PPARGC1A: variants seen among roughly 807,000 people sequenced by gnomAD.
PPARGC1A encodes PPARG coactivator 1 alpha, also known as peroxisome proliferator-activated receptor gamma coactivator 1-alpha.
Under a neutral mutation model 88.7 loss-of-function variants are expected in PPARGC1A, and 25 were observed. The observed-to-expected ratio is 0.28, with a 90% CI of 0.21 to 0.39. The LOEUF (loss-of-function observed/expected upper bound fraction) is 0.39. Among genes scored for constraint, PPARGC1A ranks in the 10% least tolerant of loss-of-function variants. The pLI, the probability that PPARGC1A is intolerant of heterozygous loss-of-function variation, is 1.00. For synonymous variants in PPARGC1A, 363 were observed against 355.6 expected (o/e 1.02, Z -0.24); for missense variants, 880 against 968.7 (o/e 0.91, Z 1.22).
At chr4:24,360,456 C>G in the PPARGC1A span, among the ~76,000 whole-genome samples, 1 of 152,090 alleles carries the variant, frequency 6.6e-6, no homozygotes, top group Non-Finnish European at 1.5e-5. Context: ...GTCTTTCATT[C>G]TGCTTATTTA....
intron 1 of PPARGC1A, among the ~76,000 whole-genome samples, chr4:23,888,700 G>A (rs771659728): frequency 6.6e-6 from 1 of 152,128 alleles, no homozygotes; most frequent in South Asian, 2.1e-4. Flanking sequence ...TAAGAATCCC[G>A]GGCATGCCTC....
chr4:24,193,467 G>A, the PPARGC1A span, among the ~76,000 whole-genome samples: 17 of 152,260 alleles, frequency 1.1e-4, no homozygotes, highest in African/African-American at 4.1e-4. Flanking sequence ...GGAGTGTCCC[G>A]CAGTGAGACC....
At chr4:24,269,857 T>C in the PPARGC1A span, among the ~76,000 whole-genome samples, 1 of 152,212 alleles carries the variant, frequency 6.6e-6, no homozygotes. Flanking sequence ...ATAAAGCTCT[T>C]AAACTTCTGG....
At chr4:24,240,593 A>G in the PPARGC1A span, among the ~76,000 whole-genome samples, 2 of 152,224 alleles carry the variant, frequency 1.3e-5, no homozygotes, top group Admixed American at 1.3e-4. Context: ...AAAAATCGCT[A>G]CAAGGCTGAG....
the PPARGC1A span, among the ~76,000 whole-genome samples, chr4:24,090,832 C>T: frequency 1.2e-4 from 18 of 152,288 alleles, no homozygotes; most frequent in East Asian, 1.9e-4. Context: ...TGGCAGCTTA[C>T]GAGACAGGAG....
At chr4:24,304,229 C>G in the PPARGC1A span, among the ~76,000 whole-genome samples, 2 of 152,152 alleles carry the variant, frequency 1.3e-5, no homozygotes, top group Non-Finnish European at 2.9e-5. Context: ...CCAAGGGAAG[C>G]TTTGTGCACT....
chr4:24,431,346 G>A, the PPARGC1A span, among the ~76,000 whole-genome samples: 1 of 152,100 alleles, frequency 6.6e-6, no homozygotes, highest in Non-Finnish European at 1.5e-5. Flanking sequence ...GAGGTTCCCT[G>A]TTTGTACTTG....
the PPARGC1A span, among the ~76,000 whole-genome samples, chr4:24,399,046 G>A: frequency 1.3e-5 from 2 of 152,124 alleles, no homozygotes; most frequent in African/African-American, 4.8e-5. Context: ...TGTATTTTAG[G>A]ATTTCAACTT....
At chr4:24,315,368 A>G in the PPARGC1A span, among the ~76,000 whole-genome samples, 1 of 152,214 alleles carries the variant, frequency 6.6e-6, no homozygotes, top group Non-Finnish European at 1.5e-5. Context: ...GTATAGCCAC[A>G]TGAAGGAAAT....
At chr4:24,003,458 A>G in the PPARGC1A span, among the ~76,000 whole-genome samples, 1 of 152,224 alleles carries the variant, frequency 6.6e-6, no homozygotes, top group African/African-American at 2.4e-5. Flanking sequence ...TGGCTTGAGG[A>G]AGAGGGCTAG....
At chr4:24,334,468 T>A in the PPARGC1A span, among the ~76,000 whole-genome samples, 1 of 152,246 alleles carries the variant, frequency 6.6e-6, no homozygotes, top group Non-Finnish European at 1.5e-5. Context: ...TAAGAAGTGC[T>A]CCGCAAAGTC....
At chr4:24,330,594 C>T in the PPARGC1A span, among the ~76,000 whole-genome samples, 1 of 152,150 alleles carries the variant, frequency 6.6e-6, no homozygotes, top group Non-Finnish European at 1.5e-5. Flanking sequence ...CCCCAGTTAA[C>T]CCCCAAAATT....
chr4:24,395,053 G>A, the PPARGC1A span, among the ~76,000 whole-genome samples: 2,073 of 152,324 alleles, frequency 0.014, 42 homozygotes, highest in East Asian at 0.095. Flanking sequence ...ACCTGAGCTA[G>A]AAATACCTGG....
the PPARGC1A span, among the ~76,000 whole-genome samples, chr4:23,989,462 A>G: frequency 6.6e-6 from 1 of 152,018 alleles, no homozygotes; most frequent in East Asian, 1.9e-4. Context: ...CAGGCACAGC[A>G]ATCCTGCAGG....
At chr4:23,992,810 A>G in the PPARGC1A span, among the ~76,000 whole-genome samples, 1 of 152,158 alleles carries the variant, frequency 6.6e-6, no homozygotes, top group Non-Finnish European at 1.5e-5. Flanking sequence ...ATGTATACAC[A>G]TGGAAATGAA....
the PPARGC1A span, among the ~76,000 whole-genome samples, chr4:24,464,605 G>A: frequency 6.6e-6 from 1 of 152,122 alleles, no homozygotes; most frequent in South Asian, 2.1e-4. Context: ...TTACATGGAT[G>A]TCTTGTCTTC....
chr4:24,039,035 T>C, the PPARGC1A span, among the ~76,000 whole-genome samples: 14 of 152,188 alleles, frequency 9.2e-5, no homozygotes, highest in South Asian at 8.3e-4. Context: ...TGGCCCACCA[T>C]TAAATATCAT....
At chr4:23,851,920 A>C (rs111478855) in intron 2 of PPARGC1A, among the ~76,000 whole-genome samples, 2 of 152,326 alleles carry the variant, frequency 1.3e-5, no homozygotes, top group South Asian at 2.1e-4. Flanking sequence ...TGTTGTTAAG[A>C]TGCAGATGCT....
the PPARGC1A span, among the ~76,000 whole-genome samples, chr4:24,281,119 T>C: frequency 6.6e-6 from 1 of 152,220 alleles, no homozygotes; most frequent in Non-Finnish European, 1.5e-5. Context: ...ATGTGGCATA[T>C]ACATGACTTA....
Sources: gnomAD v4.1 joint callset for allele counts (sites outside exome capture counted in the v4.1 genomes callset) on GRCh38, gnomAD v4.1.1 for gene constraint, MANE v1.5 for transcripts, NCBI Gene and HGNC (gene_info 2026-07-23, HGNC 2026-07-21) for gene names.